SAMMSON: variants seen among roughly 807,000 people sequenced by gnomAD.
The protein encoded by SAMMSON is long intergenic non-protein coding RNA 1212.
At chr3:70,218,453 A>C (rs34486772) in intron 4 of SAMMSON, among the ~76,000 whole-genome samples, 220 of 152,250 alleles carry the variant, frequency 1.4e-3, no homozygotes, top group Middle Eastern at 3.4e-3. Context: ...TAATAGACTG[A>C]GGTCAGTACT....
At chr3:70,174,533 G>A (rs13069349) in intron 4 of SAMMSON, among the ~76,000 whole-genome samples, 84,214 of 151,754 alleles carry the variant, frequency 0.55, 24,477 homozygotes, top group Non-Finnish European at 0.62. Flanking sequence ...ATATTTAGTA[G>A]CCCTAGATTT....
intron 3 of SAMMSON, among the ~76,000 whole-genome samples, chr3:70,019,224 T>C (rs1436036430): frequency 6.6e-6 from 1 of 152,218 alleles, no homozygotes; most frequent in Non-Finnish European, 1.5e-5. Context: ...TCTAAGTCTG[T>C]TTCTAGATCT....
intron 2 of SAMMSON, among the ~76,000 whole-genome samples, chr3:70,430,792 T>C (rs1174603389): frequency 6.6e-6 from 1 of 152,190 alleles, no homozygotes; most frequent in Non-Finnish European, 1.5e-5. Context: ...TTGGTTGATG[T>C]ATACTATAGG....
At chr3:70,021,690 A>G (rs2107580805) in intron 3 of SAMMSON, among the ~76,000 whole-genome samples, 1 of 152,262 alleles carries the variant, frequency 6.6e-6, no homozygotes, top group African/African-American at 2.4e-5. Context: ...AAAAAAACCC[A>G]TCATCATTAT....
At chr3:70,254,152 C>A (rs977616494) in intron 6 of SAMMSON, among the ~76,000 whole-genome samples, 2 of 151,692 alleles carry the variant, frequency 1.3e-5, no homozygotes, top group African/African-American at 2.4e-5. Flanking sequence ...TCCAATTACA[C>A]AAAAAAAATT....
intron 2 of SAMMSON, among the ~76,000 whole-genome samples, chr3:70,411,286 T>C (rs1017336068): frequency 6.6e-6 from 1 of 152,160 alleles, no homozygotes; most frequent in Non-Finnish European, 1.5e-5. Context: ...TAGCTTAGAT[T>C]TCAGTCTTTC....
intron 4 of SAMMSON, among the ~76,000 whole-genome samples, chr3:70,218,156 T>G (rs983204502): frequency 2.0e-5 from 3 of 152,168 alleles, no homozygotes; most frequent in African/African-American, 7.2e-5. Flanking sequence ...TTTAGCCCAG[T>G]GGTCTCCAAA....
chr3:70,137,498 A>G (rs746799214), intron 4 of SAMMSON: 1 of 152,200 alleles, frequency 6.6e-6, no homozygotes, highest in Non-Finnish European at 1.5e-5. Flanking sequence ...TTGGGACACA[A>G]TCATGCTCAT....
chr3:70,233,079 A>G (rs116763720), intron 4 of SAMMSON, among the ~76,000 whole-genome samples: 3 of 152,214 alleles, frequency 2.0e-5, no homozygotes, highest in African/African-American at 7.2e-5. Context: ...GTCTCAGCTA[A>G]TTGGGAGGCT....
At chr3:70,080,273 C>T (rs1180638459) in intron 4 of SAMMSON, among the ~76,000 whole-genome samples, 1 of 152,200 alleles carries the variant, frequency 6.6e-6, no homozygotes, top group Non-Finnish European at 1.5e-5. Flanking sequence ...CTGTTTCCCT[C>T]TTCTTACCCT....
chr3:70,063,749 G>A (rs2067199348), intron 3 of SAMMSON, among the ~76,000 whole-genome samples: 1 of 152,060 alleles, frequency 6.6e-6, no homozygotes, highest in African/African-American at 2.4e-5. Context: ...CATGAGTTAT[G>A]GTGTCCAGGT....
At chr3:70,031,649 A>G (rs558851119) in intron 3 of SAMMSON, among the ~76,000 whole-genome samples, 3 of 152,262 alleles carry the variant, frequency 2.0e-5, no homozygotes, top group East Asian at 1.9e-4. Flanking sequence ...TGTAGTGACT[A>G]TCAGTTTTAA....
At chr3:70,244,026 C>A (rs1395444296) in intron 4 of SAMMSON, among the ~76,000 whole-genome samples, 3 of 152,184 alleles carry the variant, frequency 2.0e-5, no homozygotes, top group African/African-American at 7.2e-5. Context: ...CAACTTGACT[C>A]ACATATGGAA....
intron 4 of SAMMSON, among the ~76,000 whole-genome samples, chr3:70,136,955 T>A (rs1324021263): frequency 6.6e-6 from 1 of 152,308 alleles, no homozygotes; most frequent in Non-Finnish European, 1.5e-5. Flanking sequence ...GTGTATATGA[T>A]AAAACTTTTT....
chr3:70,330,730 A>G (rs1702616438), intron 7 of SAMMSON, among the ~76,000 whole-genome samples: 1 of 152,168 alleles, frequency 6.6e-6, no homozygotes, highest in East Asian at 1.9e-4. Context: ...AAATACAAAA[A>G]TAATAGTAAA....
intron 4 of SAMMSON, among the ~76,000 whole-genome samples, chr3:70,113,508 A>C (rs2067398187): frequency 6.6e-6 from 1 of 152,192 alleles, no homozygotes; most frequent in Non-Finnish European, 1.5e-5. Flanking sequence ...TGAAGACACT[A>C]TTATTTTTAT....
intron 7 of SAMMSON, among the ~76,000 whole-genome samples, chr3:70,301,601 A>G (rs1284016949): frequency 1.3e-5 from 2 of 152,084 alleles, no homozygotes; most frequent in Admixed American, 1.3e-4. Flanking sequence ...TGCTTCTTTT[A>G]CAGTAGGAAT....
chr3:70,010,875 G>C (rs940432656), intron 1 of SAMMSON, among the ~76,000 whole-genome samples: 1 of 152,046 alleles, frequency 6.6e-6, no homozygotes, highest in Non-Finnish European at 1.5e-5. Flanking sequence ...AATGCCAGAC[G>C]CTTATAAAAC....
intron 4 of SAMMSON, among the ~76,000 whole-genome samples, chr3:70,142,464 C>T (rs1352393363): frequency 6.6e-6 from 1 of 152,084 alleles, no homozygotes; most frequent in African/African-American, 2.4e-5. Context: ...TATGTTCTCA[C>T]TCATAAGTGG....
Sources: gnomAD v4.1 joint callset for allele counts (sites outside exome capture counted in the v4.1 genomes callset) on GRCh38, gnomAD v4.1.1 for gene constraint, MANE v1.5 for transcripts, NCBI Gene and HGNC (gene_info 2026-07-23, HGNC 2026-07-21) for gene names.